The following LRRFIP2 variants were observed in gnomAD, a reference collection of about 807,000 sequenced individuals.
LRRFIP2 encodes the protein leucine-rich repeat flightless-interacting protein 2.
A neutral mutation model predicts 125.9 loss-of-function variants in LRRFIP2; 109 were observed. The ratio of observed to expected loss-of-function variants is 0.87; its 90% confidence interval spans 0.74 to 1.01. The LOEUF (loss-of-function observed/expected upper bound fraction) is 1.01. LRRFIP2 is among the 50% of genes least tolerant of loss of function. LRRFIP2 has a pLI of 0.00. For missense variants in LRRFIP2, 850 were observed against 862.3 expected (o/e 0.99, Z 0.18); for synonymous variants, 291 against 293.1 (o/e 0.99, Z 0.07).
Position 37,075,059 on chromosome 3 carries a change from T to C in LRRFIP2, c.1336A>G (p.Lys446Glu), listed in dbSNP as rs2091832648. The change falls in exon 20 of 28, where the codon AAA becomes GAA. Residue 446 changes from lysine to glutamate, a missense_variant. Transcript: ENST00000336686. ...TCATCTCTTTGCCGCAGGCCTTCTT[T>C]AAGTTCTTCCATCTTATGCTGCAGC... ...SVLQHKMEEL[K>E]EGLRQRDELI... The C allele has an allele frequency of 6.2e-7, 1 of 1,613,054 alleles. No individual in the cohort carries two copies.
At position 37,057,046 on chromosome 3, in the gene LRRFIP2, C is replaced by T. The variant is rs1339269340; in HGVS notation, c.1870+1744G>A. 4.6e-5 allele frequency among the ~76,000 whole-genome samples: 7 copies of T among 152,172 alleles called. No individual in the cohort carries two copies. In the East Asian group the frequency reaches 5.8e-4, roughly 13 times the overall value. On this transcript the variant is annotated intron_variant, in intron 25 of 27. Transcript: ENST00000336686. ...GCACCATCCAGAACCAAGAGTTGCTCCACTCCTGGCCTTCTGGTCCAGGGA... is the reference window on the plus strand; with the variant it reads ...GCACCATCCAGAACCAAGAGTTGCTTCACTCCTGGCCTTCTGGTCCAGGGA...
intron 2 of LRRFIP2, among the ~76,000 whole-genome samples, chr3:37,130,727 C>T (rs1436305210): frequency 6.6e-6 from 1 of 152,186 alleles, no homozygotes; most frequent in East Asian, 1.9e-4. Flanking sequence ...GTTATCAAAT[C>T]ACAGTGATTG....
At chr3:37,081,359 A>G (rs2092624992) in intron 19 of LRRFIP2, among the ~76,000 whole-genome samples, 1 of 152,232 alleles carries the variant, frequency 6.6e-6, no homozygotes, top group Non-Finnish European at 1.5e-5. Flanking sequence ...TTATTATGGA[A>G]TGGTCCTTCT....
intron 21 of LRRFIP2, among the ~76,000 whole-genome samples, chr3:37,071,226 A>G (rs1227363431): frequency 6.6e-6 from 1 of 152,200 alleles, no homozygotes; most frequent in Non-Finnish European, 1.5e-5. Context: ...TTGGTCTACA[A>G]ACTTTTTTAA....
chr3:37,054,629 C>G (rs776005795), intron 26 of LRRFIP2, 114 bp from the exon 27 acceptor site: 2 of 697,924 alleles, frequency 2.9e-6, no homozygotes, highest in Non-Finnish European at 5.0e-6. Flanking sequence ...ACTAACAAGT[C>G]CCCTAAGGGT....
chr3:37,165,851 AAGAAAG>A (rs879358544), intron 1 of LRRFIP2, among the ~76,000 whole-genome samples: 1,890 of 144,776 alleles, frequency 0.013, 17 homozygotes, highest in African/African-American at 0.015. Flanking sequence ...GAAAGAAAGA[AAGAAAG>A]AGAAAGAAAG....
intron 2 of LRRFIP2, among the ~76,000 whole-genome samples, chr3:37,138,334 T>C (rs2095609130): frequency 6.6e-6 from 1 of 152,202 alleles, no homozygotes; most frequent in African/African-American, 2.4e-5. Flanking sequence ...CAATCAATCG[T>C]ATTCTAAATT....
At chr3:37,172,607 C>T (rs1019834853) in intron 1 of LRRFIP2, among the ~76,000 whole-genome samples, 1 of 152,142 alleles carries the variant, frequency 6.6e-6, no homozygotes, top group African/African-American at 2.4e-5. Flanking sequence ...TAAGCATTCT[C>T]CTTCTATAAT....
intron 1 of LRRFIP2, among the ~76,000 whole-genome samples, chr3:37,162,175 A>AG (rs1430796430): frequency 1.3e-5 from 2 of 150,034 alleles, no homozygotes; most frequent in Non-Finnish European, 3.0e-5. Context: ...AAAAAAAAAA[A>AG]AAGAAGAGAG....
chr3:37,154,557 C>T (rs2096127351), intron 1 of LRRFIP2: 2 of 152,156 alleles, frequency 1.3e-5, no homozygotes, highest in Admixed American at 1.3e-4. Context: ...GTCCTTTACC[C>T]ACATAGTGTC....
At chr3:37,113,022 C>T (rs749138144) in intron 7 of LRRFIP2, 42 bp from the exon 8 acceptor site, 19 of 1,125,338 alleles carry the variant, frequency 1.7e-5, no homozygotes, top group African/African-American at 1.7e-4. Context: ...GATTGCATAG[C>T]GAAGTTATGA....
intron 24 of LRRFIP2, among the ~76,000 whole-genome samples, chr3:37,061,133 G>T (rs534776609): frequency 2.0e-5 from 3 of 152,218 alleles, no homozygotes; most frequent in African/African-American, 7.2e-5. Flanking sequence ...TCTGGCTTCC[G>T]CTCGAGATAT....
chr3:37,055,542 GCA>G (rs2086586757), intron 25 of LRRFIP2, among the ~76,000 whole-genome samples: 1 of 152,046 alleles, frequency 6.6e-6, no homozygotes. Flanking sequence ...CTCCAGCCTG[GCA>G]ACAGAGCGAT....
At chr3:37,085,556 A>C (rs79397684) in intron 18 of LRRFIP2, among the ~76,000 whole-genome samples, 1 of 148,950 alleles carries the variant, frequency 6.7e-6, no homozygotes, top group Non-Finnish European at 1.5e-5. Flanking sequence ...ATTATAAACC[A>C]AAAAAAAAGA....
chr3:37,132,969 A>G (rs1304644325), intron 2 of LRRFIP2, among the ~76,000 whole-genome samples: 1 of 152,242 alleles, frequency 6.6e-6, no homozygotes, highest in Non-Finnish European at 1.5e-5. Context: ...CACGCCTGTA[A>G]TCTCAGCACT....
chr3:37,167,451 C>A (rs536231448), intron 1 of LRRFIP2, among the ~76,000 whole-genome samples: 2 of 151,202 alleles, frequency 1.3e-5, no homozygotes, highest in Admixed American at 1.3e-4. Flanking sequence ...GTCAGGAGTT[C>A]GAGACCAGCC....
chr3:37,108,829 G>A (rs904196034), intron 11 of LRRFIP2, 145 bp from the exon 12 acceptor site: 53 of 568,866 alleles, frequency 9.3e-5, no homozygotes, highest in East Asian at 3.0e-4. Context: ...CCCTGAAGGC[G>A]GTAATACTCA....
At chr3:37,084,836 G>A (rs929534447) in intron 18 of LRRFIP2, among the ~76,000 whole-genome samples, 14 of 147,710 alleles carry the variant, frequency 9.5e-5, no homozygotes, top group Admixed American at 9.0e-4. Context: ...AATTACTACT[G>A]CCTAATGACT....
chr3:37,160,805 G>A (rs758356857), intron 1 of LRRFIP2, among the ~76,000 whole-genome samples: 1 of 150,512 alleles, frequency 6.6e-6, no homozygotes, highest in Non-Finnish European at 1.5e-5. Context: ...AAAAAATTCA[G>A]AGAATACAAG....
Sources: gnomAD v4.1 joint callset for allele counts (sites outside exome capture counted in the v4.1 genomes callset) on GRCh38, gnomAD v4.1.1 for gene constraint, MANE v1.5 for transcripts, NCBI Gene and HGNC (gene_info 2026-07-23, HGNC 2026-07-21) for gene names.